The following IL16 variants were observed in gnomAD, a reference collection of about 807,000 sequenced individuals.
IL16 encodes interleukin 16.
A neutral mutation model predicts 110.1 loss-of-function variants in IL16; 67 were observed. The ratio of observed to expected loss-of-function variants is 0.61; its 90% confidence interval spans 0.50 to 0.75. IL16 has a LOEUF of 0.75. Ranked by LOEUF, IL16 falls within the 30% of genes least tolerant of loss-of-function variation. The probability of loss-of-function intolerance (pLI) is 0.00; values close to 1 mark genes in which losing one functional copy is unlikely to be tolerated. For missense variants in IL16, 1,545 were observed against 1,655.0 expected (o/e 0.93, Z 1.15); for synonymous variants, 689 against 662.9 (o/e 1.04, Z -0.61).
At chr15:81,186,940 T>G (rs1044749215) in intron 1 of IL16, among the ~76,000 whole-genome samples, 1 of 152,006 alleles carries the variant, frequency 6.6e-6, no homozygotes, top group Non-Finnish European at 1.5e-5. Context: ...ATTACAAGAG[T>G]GAGCCACCAT....
Position 81,287,330 on chromosome 15 carries a change from A to T in IL16, c.1332+1500A>T, listed in dbSNP as rs80167946. 6.7e-3 allele frequency among the ~76,000 whole-genome samples: 1,017 copies of T among 152,302 alleles called. 8 individuals carry two copies. Among genetic ancestry groups the T allele is most frequent in the African/African-American group, 0.023 (956 of 41,538 alleles). ...CTTACTGTGGGACATAGTGAGGTGGAGGTACCACGGGGTGTCCAGGTAAAG... is the reference window on the plus strand; with the variant it reads ...CTTACTGTGGGACATAGTGAGGTGGTGGTACCACGGGGTGTCCAGGTAAAG... On this transcript the variant is annotated intron_variant, in intron 10 of 18. Transcript: ENST00000683961.
At position 81,311,146 on chromosome 15, in the gene IL16, T is replaced by A. The variant is rs1900832677; in HGVS notation, c.*2348T>A. ...TGAGGCTTAGCTTTGCTCTGCCAAC[T>A]TCTTCAGAGCTGACACAGGATGAAG... On this transcript the variant is annotated 3_prime_UTR_variant, in exon 19 of 19. Coordinates refer to ENST00000683961, the MANE Select transcript of IL16 (RefSeq NM_172217.5). 6.6e-6 allele frequency: 1 copy of A among 152,250 alleles called. No homozygotes were observed. Among genetic ancestry groups the A allele is most frequent in the East Asian group, 1.9e-4 (1 of 5,200 alleles). The allele number at this position is 152,250 out of a possible 1,614,324, so 9.4% of individuals were successfully genotyped here. A position where few individuals can be genotyped will look rare whatever the true frequency, so the allele number is the denominator to read the frequency against.
chr15:81,243,190 T>G (rs1259436442), intron 2 of IL16, among the ~76,000 whole-genome samples: 1 of 113,822 alleles, frequency 8.8e-6, no homozygotes, highest in African/African-American at 3.7e-5. Context: ...TTTTTTTTTT[T>G]TTTGAGGCAA....
At position 81,210,275 on chromosome 15, in the gene IL16, A is replaced by C. The variant is rs931494038; in HGVS notation, c.-102+13123A>C. 3.3e-5 allele frequency among the ~76,000 whole-genome samples: 5 copies of C among 152,168 alleles called. No homozygotes were observed. The East Asian group carries it at 9.6e-4, about 29-fold the overall frequency. On this transcript the variant is annotated intron_variant, in intron 1 of 18. Coordinates refer to ENST00000683961, the MANE Select transcript of IL16 (RefSeq NM_172217.5). ...GCTGTTTTGGTTACTGTAGCCTTAT[A>C]GTATAGTGTGAAATTGGGTCATGTG... is the stretch of plus-strand genomic sequence containing the variant.
At position 81,304,407 on chromosome 15, in the gene IL16, C is replaced by T. The variant is rs565265697; in HGVS notation, c.3420+757C>T. Among the ~76,000 whole-genome samples the T allele has an allele frequency of 1.2e-4, 19 of 152,290 alleles. No homozygotes were observed. In the South Asian group the frequency reaches 3.5e-3, roughly 28 times the overall value. ...GTCCATGAGTAGCAACTTCTGTCCA[C>T]GTCATCTGGCCAGTCACCCTTGAGA... On this transcript the variant is annotated intron_variant, in intron 16 of 18. Transcript: ENST00000683961.
chr15:81,235,408 G>A (rs1897146901), intron 2 of IL16, among the ~76,000 whole-genome samples: 1 of 152,008 alleles, frequency 6.6e-6, no homozygotes, highest in Non-Finnish European at 1.5e-5. Flanking sequence ...AGAGAGAGAG[G>A]AGATCCCAGA....
At chr15:81,194,063 A>G (rs2141928455), upstream of IL16, among the ~76,000 whole-genome samples, 1 of 152,352 alleles carries the variant, frequency 6.6e-6, no homozygotes, top group African/African-American at 2.4e-5. Flanking sequence ...TCGCATGACC[A>G]AAAGTGTACA....
chr15:81,258,607 G>A (rs1256991105), intron 2 of IL16, among the ~76,000 whole-genome samples: 2 of 152,092 alleles, frequency 1.3e-5, no homozygotes, highest in African/African-American at 4.8e-5. Context: ...AGGCTGAGTG[G>A]GAGGATCTCT....
intron 1 of IL16, among the ~76,000 whole-genome samples, chr15:81,202,786 C>T (rs972558891): frequency 2.2e-4 from 34 of 152,146 alleles, no homozygotes; most frequent in Non-Finnish European, 3.8e-4. Flanking sequence ...AATAAACATA[C>T]GTGTGCATGT....
intron 2 of IL16, among the ~76,000 whole-genome samples, chr15:81,257,229 T>C (rs929860933): frequency 3.9e-5 from 6 of 152,212 alleles, no homozygotes; most frequent in Admixed American, 6.5e-5. Context: ...CATTGACTTG[T>C]TTAAGAAATA....
At chr15:81,239,309 T>C (rs1256731508) in intron 2 of IL16, among the ~76,000 whole-genome samples, 1 of 152,204 alleles carries the variant, frequency 6.6e-6, no homozygotes, top group Non-Finnish European at 1.5e-5. Context: ...TTATGAGCTT[T>C]TGTTACAATG....
At position 81,273,119 on chromosome 15, in the gene IL16, A is replaced by C; in HGVS notation, c.705A>C (p.Lys235Asn). ...TGGGCTTCAGCATCGTTGGGGGAAA[A>C]GACAGCATTTATGGCCCCATTGGGA... ...KGLGFSIVGGKDSIYGPIGIY... is the reference protein window; with the variant it reads ...KGLGFSIVGGNDSIYGPIGIY... Residue 235 changes from lysine (K) to asparagine (N), a missense_variant, in exon 6 of 19, where the codon AAA becomes AAC. Around this residue, in one of 3 missense-constraint regions of IL16, gnomAD observed 1,185 missense variants for 1,238.8 expected, o/e 0.96. Coordinates refer to ENST00000683961, the MANE Select transcript of IL16 (RefSeq NM_172217.5). 1 of 1,613,554 alleles carries C rather than the reference A, an allele frequency of 6.2e-7. No individual in the cohort carries two copies.
At chr15:81,250,620 T>G (rs1897735746) in intron 2 of IL16, among the ~76,000 whole-genome samples, 2 of 152,230 alleles carry the variant, frequency 1.3e-5, no homozygotes, top group Non-Finnish European at 2.9e-5. Flanking sequence ...GATTCAAATT[T>G]GTTTCTGCCA....
At chr15:81,198,968 C>T (rs1000226556) in intron 1 of IL16, among the ~76,000 whole-genome samples, 2 of 141,578 alleles carry the variant, frequency 1.4e-5, no homozygotes, top group Non-Finnish European at 3.0e-5. Flanking sequence ...TGCAGTGAGC[C>T]GAGATCATGC....
chr15:81,305,113 G>A (rs1185893270), intron 16 of IL16, among the ~76,000 whole-genome samples: 1 of 152,204 alleles, frequency 6.6e-6, no homozygotes, highest in Non-Finnish European at 1.5e-5. Flanking sequence ...AATGCATTCT[G>A]CCAAATGAGA....
rs979666288 is a variant in IL16 at position 81,313,565 on chromosome 15, G to C, written c.*4767G>C. 5.4e-6 allele frequency: 3 copies of C among 553,156 alleles called. No individual in the cohort carries two copies. The East Asian group carries it at 1.0e-4, about 19-fold the overall frequency. 34.3% of individuals were successfully genotyped at this position (553,156 alleles called of 1,614,324 possible). ...CCACCCAGGAGTCCTCTCTGGACCTGCTGATTTTCAGGATGGAAACCCATC... is the reference window on the plus strand; with the variant it reads ...CCACCCAGGAGTCCTCTCTGGACCTCCTGATTTTCAGGATGGAAACCCATC... On this transcript the variant is annotated 3_prime_UTR_variant, in exon 19 of 19. Coordinates refer to ENST00000683961, the MANE Select transcript of IL16 (RefSeq NM_172217.5).
At position 81,303,673 on chromosome 15, in the gene IL16, A is replaced by G; in HGVS notation, c.3420+23A>G. Reference sequence around the variant, plus strand: ...ACGGTGAGTGGCCAAGTGAAGGGGCATGTCACAGCCAGAGGCAATGGTTCT... The same window carrying G: ...ACGGTGAGTGGCCAAGTGAAGGGGCGTGTCACAGCCAGAGGCAATGGTTCT... On this transcript the variant is annotated intron_variant, in intron 16 of 18. Coordinates refer to ENST00000683961, the MANE Select transcript of IL16 (RefSeq NM_172217.5). This position sits in a 1 kb window ranked among gnomAD's most constrained non-coding sequence, Gnocchi z 4.1. 3.4e-6 allele frequency: 5 copies of G among 1,472,656 alleles called. No homozygotes were observed. Among genetic ancestry groups the G allele is most frequent in the Non-Finnish European group, 3.8e-6 (4 of 1,051,344 alleles). The allele number at this position is 1,472,656 out of a possible 1,614,324, so 91.2% of individuals were successfully genotyped here.
At chr15:81,291,928 A>C (rs1465178649) in intron 11 of IL16, 3 of 455,984 alleles carry the variant, frequency 6.6e-6, no homozygotes, top group Non-Finnish European at 8.8e-6. Context: ...TTACAGATGC[A>C]GAAATGGAGT....
chr15:81,242,791 C>G (rs940661873), intron 2 of IL16, among the ~76,000 whole-genome samples: 1 of 151,784 alleles, frequency 6.6e-6, no homozygotes, highest in Non-Finnish European at 1.5e-5. Context: ...TTCTTTGTCC[C>G]CAGTCTTGGT....
Sources: allele counts gnomAD v4.1 joint callset (sites outside exome capture counted in the v4.1 genomes callset), GRCh38; gene constraint gnomAD v4.1.1; regional missense constraint gnomAD v4.1.1; non-coding constraint Gnocchi (gnomAD v3.1); transcripts MANE v1.5; gene names NCBI Gene and HGNC (gene_info 2026-07-23, HGNC 2026-07-21).